NDUFAF6: variants seen among roughly 807,000 people sequenced by gnomAD.
NDUFAF6 encodes the protein NADH dehydrogenase (ubiquinone) complex I, assembly factor 6.
A neutral mutation model predicts 40.8 loss-of-function variants in NDUFAF6; 45 were observed. That is an observed-to-expected ratio of 1.10 (90% CI 0.87 to 1.42). The LOEUF (loss-of-function observed/expected upper bound fraction) is 1.42. NDUFAF6 is among the 40% of genes most tolerant of loss of function. The pLI is 0.00. For synonymous variants in NDUFAF6, 185 were observed against 155.9 expected (o/e 1.19, Z -1.39); for missense variants, 435 against 418.5 (o/e 1.04, Z -0.34).
chr8:95,108,832 A>T (rs1247026601), intron 4 of NDUFAF6, among the ~76,000 whole-genome samples: 1 of 152,186 alleles, frequency 6.6e-6, no homozygotes, highest in Non-Finnish European at 1.5e-5. Context: ...TAGTAATTCC[A>T]CTTCTGAGTA....
At chr8:95,020,505 G>A (rs1827648553), upstream of NDUFAF6, among the ~76,000 whole-genome samples, 1 of 152,198 alleles carries the variant, frequency 6.6e-6, no homozygotes, top group Non-Finnish European at 1.5e-5. Flanking sequence ...CAGCCCTGCA[G>A]GCACATGCCT....
In NDUFAF6 at chr8:95,048,439, G is replaced by A. The variant is rs141639881; in HGVS notation, c.715-18G>A. On this transcript the variant is annotated intron_variant, in intron 6 of 8. Transcript: ENST00000396124. ...AGTGCTTTTAGGTTCCTAATATAAT[G>A]TATATTTCCCCACACAGCATGGTGT... The A allele has an allele frequency of 6.4e-7, 1 of 1,570,288 alleles. No individual in the cohort carries two copies. The highest frequency in any genetic ancestry group is 8.8e-7 in the Non-Finnish European group (1 of 1,140,092).
chr8:95,031,415 C>G (rs1404751527), intron 1 of NDUFAF6, among the ~76,000 whole-genome samples: 2 of 152,166 alleles, frequency 1.3e-5, no homozygotes, highest in African/African-American at 4.8e-5. Flanking sequence ...TTGATTTATT[C>G]TTTTGAAGCT....
intron 1 of NDUFAF6, among the ~76,000 whole-genome samples, chr8:94,941,928 GT>G (rs35576609): frequency 0.023 from 3,468 of 152,050 alleles, 54 homozygotes; most frequent in African/African-American, 0.04. Flanking sequence ...CCAAAGATAG[GT>G]TTTTTTCCCC....
chr8:95,028,805 T>C (rs765689588), intron 1 of NDUFAF6, among the ~76,000 whole-genome samples: 1 of 152,208 alleles, frequency 6.6e-6, no homozygotes, highest in African/African-American at 2.4e-5. Flanking sequence ...CACTGTTTCA[T>C]GTTAACTTCA....
intron 2 of NDUFAF6, among the ~76,000 whole-genome samples, chr8:95,081,708 A>T (rs1266849578): frequency 2.6e-5 from 4 of 152,190 alleles, no homozygotes; most frequent in Non-Finnish European, 5.9e-5. Flanking sequence ...AGAAAAGCAT[A>T]ATGTTTTTCC....
At chr8:94,903,578 G>T (rs370822594) in intron 1 of NDUFAF6, among the ~76,000 whole-genome samples, 6 of 152,242 alleles carry the variant, frequency 3.9e-5, no homozygotes, top group African/African-American at 1.2e-4. Flanking sequence ...GCATAAAAGC[G>T]TGCTTCACCA....
At position 94,978,219 on chromosome 8, in the gene NDUFAF6, G is replaced by A. The variant is rs541444979; in HGVS notation, c.-198-2640G>A. Among the ~76,000 whole-genome samples, 9 of 152,252 alleles carry A rather than the reference G, an allele frequency of 5.9e-5. 1 individual carries two copies. In the South Asian group the frequency reaches 1.2e-3, roughly 21 times the overall value. On this transcript the variant is annotated intron_variant, in intron 1 of 9. Transcript: ENST00000396111. ...CTCCAGGAAGGGGAGCAGAGCTGGA[G>A]ATTGAGTTAATAACCCATCATGCCG...
In NDUFAF6 at chr8:95,029,456, G is replaced by T. The variant is rs554154267; in HGVS notation, c.198-2539G>T. Among the ~76,000 whole-genome samples the T allele has an allele frequency of 2.3e-3, 345 of 152,258 alleles. 1 individual carries two copies. Among genetic ancestry groups the T allele is most frequent in the African/African-American group, 8.0e-3 (334 of 41,532 alleles). On this transcript the variant is annotated intron_variant, in intron 1 of 8. Coordinates refer to ENST00000396124, the MANE Select transcript of NDUFAF6 (RefSeq NM_152416.4). ...CCCTTAATACTTTGGTCTGTATATT[G>T]TAAGTACAAGGACGCTTTCCCGTAG...
rs138544846 is a variant in NDUFAF6, at chr8:95,048,887, G to A, written c.816+329G>A. ...GCTGATGCCTCTCGTCCCCCTCCCA[G>A]GGGCTGCACCCTCAGCCACCCCCAG... is the stretch of plus-strand genomic sequence containing the variant. On this transcript the variant is annotated intron_variant, in intron 7 of 8. Transcript: ENST00000396124. Among the ~76,000 whole-genome samples the A allele has an allele frequency of 3.2e-4, 48 of 152,260 alleles. No homozygotes were observed. The East Asian group carries it at 8.3e-3, about 26-fold the overall frequency.
chr8:94,924,715 C>G (rs1563713305), intron 1 of NDUFAF6, among the ~76,000 whole-genome samples: 1 of 151,988 alleles, frequency 6.6e-6, no homozygotes, highest in Non-Finnish European at 1.5e-5. Context: ...AGCCATTCCC[C>G]TGCCATTCCA....
downstream of NDUFAF6, among the ~76,000 whole-genome samples, chr8:95,063,618 A>G (rs562589519): frequency 6.6e-6 from 1 of 152,266 alleles, no homozygotes; most frequent in Non-Finnish European, 1.5e-5. Context: ...AAACAAAACA[A>G]AAAAACAGTC....
In NDUFAF6 at chr8:95,011,009, C is replaced by G. The variant is rs1221578486; in HGVS notation, c.-83-20986C>G. Among the ~76,000 whole-genome samples, 3 of 152,270 alleles carry G rather than the reference C, an allele frequency of 2.0e-5. No individual in the cohort carries two copies. In the East Asian group the frequency reaches 5.8e-4, roughly 29 times the overall value. ...TTCTGTGCGGCGGAAATGTCTATGC[C>G]CTTGTCTACCGCCTGCCTCCATCAC... is the stretch of plus-strand genomic sequence containing the variant. On this transcript the variant is annotated intron_variant, in intron 2 of 9. Coordinates refer to the NDUFAF6 transcript ENST00000396111.
At chr8:94,956,925 C>G (rs181187333), upstream of NDUFAF6, among the ~76,000 whole-genome samples, 1 of 152,248 alleles carries the variant, frequency 6.6e-6, no homozygotes, top group African/African-American at 2.4e-5. Flanking sequence ...AATCACAGCA[C>G]TTTGTTAGGC....
downstream of NDUFAF6, among the ~76,000 whole-genome samples, chr8:95,059,575 G>A (rs757237128): frequency 6.6e-5 from 10 of 152,110 alleles, no homozygotes; most frequent in Non-Finnish European, 8.8e-5. Context: ...GGGGCCGGGC[G>A]TGGTGGCTCA....
At chr8:94,947,623 G>A (rs1822137770) in intron 2 of NDUFAF6, among the ~76,000 whole-genome samples, 1 of 152,218 alleles carries the variant, frequency 6.6e-6, no homozygotes, top group South Asian at 2.1e-4. Context: ...TTCCACTTAT[G>A]TGAAGACTGT....
In NDUFAF6 at chr8:94,944,579, C is replaced by A. The variant is rs1360691335; in HGVS notation, c.-935-904C>A. 2.0e-5 allele frequency among the ~76,000 whole-genome samples: 3 copies of A among 152,206 alleles called. No individual in the cohort carries two copies. The East Asian group carries it at 5.8e-4, about 29-fold the overall frequency. ...CCATATCTCTGCAAGGACAACCAACCTTGGGCGACAGAGTGCTCAGAAGCC... is the reference window on the plus strand; with the variant it reads ...CCATATCTCTGCAAGGACAACCAACATTGGGCGACAGAGTGCTCAGAAGCC... On this transcript the variant is annotated intron_variant, in intron 1 of 14. Coordinates refer to the NDUFAF6 transcript ENST00000396113.
chr8:94,953,350 A>G (rs1052097160), upstream of NDUFAF6, among the ~76,000 whole-genome samples: 4 of 137,688 alleles, frequency 2.9e-5, no homozygotes, highest in African/African-American at 1.2e-4. Context: ...CCATCTCAAG[A>G]AAAAAAAAAA....
chr8:95,050,330 A>G (rs1459714549), intron 7 of NDUFAF6, among the ~76,000 whole-genome samples: 1 of 152,200 alleles, frequency 6.6e-6, no homozygotes, highest in Non-Finnish European at 1.5e-5. Flanking sequence ...TATGCGAAAC[A>G]TGGTCCTGGG....
Sources: allele counts gnomAD v4.1 joint callset (sites outside exome capture counted in the v4.1 genomes callset), GRCh38; gene constraint gnomAD v4.1.1; transcripts MANE v1.5; gene names NCBI Gene and HGNC (gene_info 2026-07-23, HGNC 2026-07-21).